Variants in MB21D2 observed in about 807,000 individuals in gnomAD.
MB21D2 encodes nucleotidyltransferase MB21D2.
A neutral mutation model predicts 33.3 loss-of-function variants in MB21D2; 9 were observed. That is an observed-to-expected ratio of 0.27 (90% CI 0.16 to 0.47). MB21D2 has a LOEUF of 0.47. Ranked by LOEUF, MB21D2 falls within the 20% of genes least tolerant of loss-of-function variation. The pLI, the probability that MB21D2 is intolerant of heterozygous loss-of-function variation, is 0.99. For synonymous variants in MB21D2, 241 were observed against 236.3 expected (o/e 1.02, Z -0.18); for missense variants, 540 against 624.6 (o/e 0.86, Z 1.44).
intron 1 of MB21D2, among the ~76,000 whole-genome samples, chr3:192,830,203 CTGTT>C (rs1712282257): frequency 1.3e-5 from 2 of 150,880 alleles, no homozygotes; most frequent in Non-Finnish European, 2.9e-5. Context: ...GTTTTCCTGA[CTGTT>C]AGTATGTTAA....
chr3:192,871,959 A>T (rs796445542), intron 1 of MB21D2, among the ~76,000 whole-genome samples: 9 of 152,286 alleles, frequency 5.9e-5, no homozygotes, highest in African/African-American at 2.2e-4. Flanking sequence ...CAGAAAAACC[A>T]CCGGTGCAGT....
intron 1 of MB21D2, among the ~76,000 whole-genome samples, chr3:192,907,792 G>A (rs1276279123): frequency 6.6e-6 from 1 of 152,192 alleles, no homozygotes; most frequent in Non-Finnish European, 1.5e-5. Context: ...GGAGGCACTT[G>A]GAGGATGACT....
In MB21D2 at chr3:192,799,078, T is replaced by G; in HGVS notation, c.784A>C (p.Ile262Leu). The change falls in exon 2 of 2, where the codon ATT (isoleucine) becomes CTT (leucine). Residue 262 changes from isoleucine to leucine, a missense_variant. Transcript: ENST00000392452. This position sits in a 1 kb window ranked among gnomAD's most constrained non-coding sequence, Gnocchi z 4.1. ...LMENHFWDGK[I>L]TEEEVISGFY... ...CCACTGATGACCTCTTCCTCAGTAA[T>G]CTTCCCATCCCAAAAGTGGTTCTCC... 6.2e-7 allele frequency: 1 copy of G among 1,614,102 alleles called. No individual in the cohort carries two copies. Among genetic ancestry groups the G allele is most frequent in the Non-Finnish European group, 8.5e-7 (1 of 1,179,996 alleles).
chr3:192,808,896 T>C (rs1487787596), intron 1 of MB21D2, among the ~76,000 whole-genome samples: 6 of 152,232 alleles, frequency 3.9e-5, no homozygotes, highest in Non-Finnish European at 8.8e-5. Flanking sequence ...AAGAGATAAC[T>C]AGCACCAGCA....
chr3:192,814,816 G>T (rs1344694013), intron 1 of MB21D2, among the ~76,000 whole-genome samples: 1 of 150,326 alleles, frequency 6.7e-6, no homozygotes, highest in African/African-American at 2.5e-5. Context: ...AGTGAGCTGA[G>T]ATTGTGCCAC....
At chr3:192,900,946 A>C (rs1714086501) in intron 1 of MB21D2, among the ~76,000 whole-genome samples, 1 of 151,826 alleles carries the variant, frequency 6.6e-6, no homozygotes, top group African/African-American at 2.4e-5. Flanking sequence ...GTCTCAAAAA[A>C]AAAAAAGACT....
Position 192,799,716 on chromosome 3 carries a change from A to G in MB21D2, c.212-66T>C. ...CACAGACATAAGAGTCTTATGCATG[A>G]AACAGAATGCTCTGATGTTCCAAGA... On this transcript the variant is annotated intron_variant, in intron 1 of 1. Coordinates refer to ENST00000392452, the MANE Select transcript of MB21D2 (RefSeq NM_178496.4). The surrounding 1 kb of genome is among the most constrained non-coding windows in gnomAD (Gnocchi z 4.1). 6.7e-7 allele frequency: 1 copy of G among 1,483,920 alleles called. No homozygotes were observed. Among genetic ancestry groups the G allele is most frequent in the Admixed American group, 2.3e-5 (1 of 43,466 alleles). 91.9% of individuals were successfully genotyped at this position (1,483,920 alleles called of 1,614,324 possible). A position where few individuals can be genotyped will look rare whatever the true frequency, so the allele number is the denominator to read the frequency against.
At chr3:192,895,490 T>C (rs1188848800) in intron 1 of MB21D2, among the ~76,000 whole-genome samples, 2 of 152,334 alleles carry the variant, frequency 1.3e-5, no homozygotes, top group East Asian at 1.9e-4. Context: ...AACGACTCAC[T>C]GCAGAGAGGC....
chr3:192,802,529 T>G (rs1004626366), intron 1 of MB21D2, among the ~76,000 whole-genome samples: 2 of 152,336 alleles, frequency 1.3e-5, no homozygotes, highest in East Asian at 3.9e-4. Context: ...AAAGCCAAAC[T>G]TAATCCGGAT....
At chr3:192,831,382 T>C (rs1357445097) in intron 1 of MB21D2, among the ~76,000 whole-genome samples, 3 of 152,214 alleles carry the variant, frequency 2.0e-5, no homozygotes, top group Non-Finnish European at 4.4e-5. Context: ...CACTCCTAGA[T>C]GCCTGACTCC....
intron 1 of MB21D2, among the ~76,000 whole-genome samples, chr3:192,904,669 A>G (rs951610757): frequency 6.6e-5 from 10 of 152,210 alleles, no homozygotes; most frequent in African/African-American, 2.4e-4. Flanking sequence ...TGTTTCAACA[A>G]GCAGGACACT....
chr3:192,887,007 C>G, intron 1 of MB21D2, among the ~76,000 whole-genome samples: 1 of 151,968 alleles, frequency 6.6e-6, no homozygotes, highest in East Asian at 1.9e-4. Flanking sequence ...AAAAAAATCC[C>G]CACTTTCGCC....
chr3:192,843,619 C>T (rs1280543339), intron 1 of MB21D2, among the ~76,000 whole-genome samples: 1 of 152,140 alleles, frequency 6.6e-6, no homozygotes, highest in Non-Finnish European at 1.5e-5. Context: ...ACAGTATGTA[C>T]ATATAAATAG....
rs750268848 is a variant in MB21D2 at position 192,877,306 on chromosome 3, A to C, written c.211+40324T>G. 5.0e-4 allele frequency among the ~76,000 whole-genome samples: 76 copies of C among 152,190 alleles called. 1 individual carries two copies. The highest frequency in any genetic ancestry group is 1.9e-4 in the African/African-American group (8 of 41,450). On this transcript the variant is annotated intron_variant, in intron 1 of 1. Coordinates refer to ENST00000392452, the MANE Select transcript of MB21D2 (RefSeq NM_178496.4). ...ATTCAAGATGATTCTGAGCTCATTA[A>C]AACAAACCAAAAACAAAAAAGTTCA... is the stretch of plus-strand genomic sequence containing the variant.
At chr3:192,880,467 G>A (rs1369929378) in intron 1 of MB21D2, among the ~76,000 whole-genome samples, 1 of 152,130 alleles carries the variant, frequency 6.6e-6, no homozygotes, top group African/African-American at 2.4e-5. Context: ...AAAGGAAGGA[G>A]GAGGAAGCAG....
chr3:192,808,274 C>T (rs1711708746), intron 1 of MB21D2, among the ~76,000 whole-genome samples: 1 of 152,120 alleles, frequency 6.6e-6, no homozygotes, highest in African/African-American at 2.4e-5. Context: ...CAGATAATCA[C>T]ACACGAATCA....
intron 1 of MB21D2, among the ~76,000 whole-genome samples, chr3:192,804,252 C>T (rs1711613221): frequency 6.6e-6 from 1 of 152,074 alleles, no homozygotes; most frequent in African/African-American, 2.4e-5. Context: ...AACTGCAAAC[C>T]TTCATCATGC....
chr3:192,892,644 T>A (rs972126811), intron 1 of MB21D2, among the ~76,000 whole-genome samples: 1 of 152,106 alleles, frequency 6.6e-6, no homozygotes, highest in African/African-American at 2.4e-5. Flanking sequence ...GGTTTCACCA[T>A]GTTGGCCAGG....
In MB21D2 at chr3:192,890,893, G is replaced by A. The variant is rs143319673; in HGVS notation, c.211+26737C>T. ...GACATGGGGAGAGGAAGAAAGAATGGTGATTTTAAATATTACTCATAAAAA... is the reference window on the plus strand; with the variant it reads ...GACATGGGGAGAGGAAGAAAGAATGATGATTTTAAATATTACTCATAAAAA... On this transcript the variant is annotated intron_variant, in intron 1 of 1. Coordinates refer to ENST00000392452, the MANE Select transcript of MB21D2 (RefSeq NM_178496.4). Among the ~76,000 whole-genome samples, 205 of 152,144 alleles carry A rather than the reference G, an allele frequency of 1.3e-3. 3 individuals are homozygous for A. The South Asian group carries it at 0.016, about 12-fold the overall frequency.
Sources: gnomAD v4.1 joint callset for allele counts (sites outside exome capture counted in the v4.1 genomes callset) on GRCh38, gnomAD v4.1.1 for gene constraint, Gnocchi (gnomAD v3.1) non-coding constraint, MANE v1.5 for transcripts, NCBI Gene and HGNC (gene_info 2026-07-23, HGNC 2026-07-21) for gene names.